The following CLSTN2 variants were observed in gnomAD, a reference collection of about 807,000 sequenced individuals.
CLSTN2 encodes calsyntenin 2, also known as calsyntenin-2.
CLSTN2 carries 48 observed loss-of-function variants against 101.2 expected under a neutral mutation model. The ratio of observed to expected loss-of-function variants is 0.47; its 90% CI spans 0.38 to 0.60. CLSTN2 has a LOEUF of 0.60. CLSTN2 is among the 20% of genes least tolerant of loss of function. The pLI, the probability that CLSTN2 is intolerant of heterozygous loss-of-function variation, is 0.00. For missense variants in CLSTN2, 1,160 were observed against 1,238.2 expected (o/e 0.94, Z 0.95); for synonymous variants, 481 against 463.6 (o/e 1.04, Z -0.48).
At chr3:140,187,269 C>T (rs1330528660) in intron 2 of CLSTN2, among the ~76,000 whole-genome samples, 2 of 152,136 alleles carry the variant, frequency 1.3e-5, no homozygotes, top group East Asian at 3.9e-4. Context: ...GCAGGCTGGC[C>T]ATACCACTGG....
At chr3:140,032,913 A>G (rs1036997445) in intron 1 of CLSTN2, among the ~76,000 whole-genome samples, 1 of 152,232 alleles carries the variant, frequency 6.6e-6, no homozygotes, top group Admixed American at 6.5e-5. Flanking sequence ...GAAAAGTGCT[A>G]TAGATGTGGG....
intron 2 of CLSTN2, among the ~76,000 whole-genome samples, chr3:140,375,179 C>A (rs146386868): frequency 6.6e-6 from 1 of 152,172 alleles, no homozygotes; most frequent in Non-Finnish European, 1.5e-5. Flanking sequence ...TTGAGAGGAC[C>A]AGATGATCTG....
At chr3:140,058,105 A>G (rs1576412492) in intron 1 of CLSTN2, among the ~76,000 whole-genome samples, 1 of 152,076 alleles carries the variant, frequency 6.6e-6, no homozygotes, top group Non-Finnish European at 1.5e-5. Context: ...AAAAAATTTC[A>G]AAAACTAAAC....
rs1469282707 is a variant in CLSTN2 at position 140,345,096 on chromosome 3, T to C, written c.233-58533T>C. Among the ~76,000 whole-genome samples the C allele has an allele frequency of 2.6e-5, 4 of 152,092 alleles. No homozygotes were observed. The South Asian group carries it at 6.2e-4, about 24-fold the overall frequency. ...CATGTGGCTTATGTTCTGTTCTGTA[T>C]GGTGTCATATCCTCATTTGCCCTTT... On this transcript the variant is annotated intron_variant, in intron 2 of 16. Coordinates refer to ENST00000458420, the MANE Select transcript of CLSTN2 (RefSeq NM_022131.3).
At chr3:139,936,296 G>T (rs1935018648) in intron 1 of CLSTN2, among the ~76,000 whole-genome samples, 2 of 152,164 alleles carry the variant, frequency 1.3e-5, no homozygotes, top group African/African-American at 4.8e-5. Context: ...TGGGGGGCCG[G>T]GTCTGAAACA....
At chr3:140,538,852 C>A (rs184740654) in intron 9 of CLSTN2, among the ~76,000 whole-genome samples, 1 of 152,240 alleles carries the variant, frequency 6.6e-6, no homozygotes, top group Non-Finnish European at 1.5e-5. Context: ...AAGGTCAAGT[C>A]GGGGAAACAG....
At position 140,566,468 on chromosome 3, in the gene CLSTN2, C is replaced by T. The variant is rs1474507561; in HGVS notation, c.*215C>T. 5 of 589,182 alleles carry T rather than the reference C, an allele frequency of 8.5e-6. No individual in the cohort carries two copies. In the African/African-American group the frequency reaches 9.3e-5, roughly 11 times the overall value. 36.5% of individuals were successfully genotyped at this position (589,182 alleles called of 1,614,324 possible). On this transcript the variant is annotated 3_prime_UTR_variant, in exon 17 of 17. Transcript: ENST00000458420. ...CCAGCATGGCCATCAGTGAGGACTT[C>T]AGGGTAGACTTTGTCCTGTAGCCTC...
intron 8 of CLSTN2, among the ~76,000 whole-genome samples, chr3:140,528,231 C>T (rs168387): frequency 0.25 from 38,085 of 152,026 alleles, 6,373 homozygotes; most frequent in African/African-American, 0.46. Context: ...TGTTCCAAGA[C>T]TGATGGATTG....
At chr3:140,319,492 T>C (rs1418725188) in intron 2 of CLSTN2, among the ~76,000 whole-genome samples, 4 of 152,344 alleles carry the variant, frequency 2.6e-5, no homozygotes, top group Admixed American at 1.3e-4. Context: ...AATCTTTCAA[T>C]TGAGTGACAG....
At chr3:139,948,073 C>T (rs1335927733) in intron 1 of CLSTN2, among the ~76,000 whole-genome samples, 1 of 152,114 alleles carries the variant, frequency 6.6e-6, no homozygotes, top group Non-Finnish European at 1.5e-5. Context: ...ATCACATTAG[C>T]CTTTAGCACT....
chr3:140,216,823 C>T (rs1387166577), intron 2 of CLSTN2, among the ~76,000 whole-genome samples: 2 of 152,092 alleles, frequency 1.3e-5, no homozygotes, highest in Admixed American at 6.5e-5. Context: ...TCAGACAAGA[C>T]CAGGCAGAAA....
intron 2 of CLSTN2, among the ~76,000 whole-genome samples, chr3:140,249,567 G>A (rs564350032): frequency 2.2e-4 from 33 of 152,286 alleles, no homozygotes; most frequent in Non-Finnish European, 2.9e-4. Context: ...TTCCAGGTAC[G>A]AGATAGGTGG....
chr3:140,096,997 ACTC>A (rs1159543165), intron 1 of CLSTN2, among the ~76,000 whole-genome samples: 3 of 151,610 alleles, frequency 2.0e-5, no homozygotes, highest in African/African-American at 7.3e-5. Context: ...GTGCAGATCA[ACTC>A]CTTTCTCTAA....
chr3:140,563,816 AG>A (rs1327268030), intron 15 of CLSTN2, 144 bp from the exon 16 acceptor site: 22 of 722,994 alleles, frequency 3.0e-5, no homozygotes, highest in Non-Finnish European at 5.3e-5. Context: ...AAGCCCAGAC[AG>A]GGTAAGGTAC....
At chr3:140,144,547 C>T (rs968782633) in intron 1 of CLSTN2, among the ~76,000 whole-genome samples, 21 of 152,014 alleles carry the variant, frequency 1.4e-4, no homozygotes, top group Admixed American at 1.2e-3. Context: ...ACCCAGGAGG[C>T]GTAGGTTGCA....
chr3:140,233,905 T>C (rs1213289012), intron 2 of CLSTN2, among the ~76,000 whole-genome samples: 1 of 152,264 alleles, frequency 6.6e-6, no homozygotes, highest in African/African-American at 2.4e-5. Context: ...TAAAGTTTTA[T>C]TGGAACACAA....
chr3:140,435,332 G>A (rs775836804), intron 5 of CLSTN2, among the ~76,000 whole-genome samples: 4 of 152,100 alleles, frequency 2.6e-5, no homozygotes, highest in Admixed American at 2.6e-4. Context: ...GTCTTTCTGT[G>A]CTTGACTTAT....
intron 2 of CLSTN2, among the ~76,000 whole-genome samples, chr3:140,207,419 T>C (rs1188802697): frequency 1.3e-5 from 2 of 152,154 alleles, no homozygotes; most frequent in Non-Finnish European, 2.9e-5. Flanking sequence ...AGAGAAAACT[T>C]TGTGACCTTT....
At chr3:140,458,532 C>T (rs1416929288) in intron 6 of CLSTN2, among the ~76,000 whole-genome samples, 3 of 152,162 alleles carry the variant, frequency 2.0e-5, no homozygotes, top group Admixed American at 6.5e-5. Context: ...ACCTACCCAG[C>T]AGGACAATCC....
Sources: allele counts gnomAD v4.1 joint callset (sites outside exome capture counted in the v4.1 genomes callset), GRCh38; gene constraint gnomAD v4.1.1; transcripts MANE v1.5; gene names NCBI Gene and HGNC (gene_info 2026-07-23, HGNC 2026-07-21).